The following TSNARE1 variants were observed in gnomAD, a reference collection of about 807,000 sequenced individuals.
The protein encoded by TSNARE1 is t-SNARE domain containing 1.
A neutral mutation model predicts 62.0 loss-of-function variants in TSNARE1; 49 were observed. That is an observed-to-expected ratio of 0.79 (90% CI 0.63 to 1.00). TSNARE1 has a LOEUF of 1.00. Ranked by LOEUF, TSNARE1 falls within the 50% of genes least tolerant of loss-of-function variation. The pLI is 0.00. For missense variants in TSNARE1, 755 were observed against 700.1 expected (o/e 1.08, Z -0.88); for synonymous variants, 328 against 294.4 (o/e 1.11, Z -1.17).
At chr8:142,317,707 C>T (rs1586765357) in intron 7 of TSNARE1, among the ~76,000 whole-genome samples, 3 of 152,152 alleles carry the variant, frequency 2.0e-5, no homozygotes, top group African/African-American at 7.2e-5. Flanking sequence ...CCTGTAATCC[C>T]AGCACTTTGG....
chr8:142,389,701 T>C (rs1837349671), intron 1 of TSNARE1, among the ~76,000 whole-genome samples: 4 of 152,178 alleles, frequency 2.6e-5, no homozygotes, highest in Admixed American at 2.6e-4. Flanking sequence ...TATTAACACT[T>C]CGTCAAGGGA....
chr8:142,331,025 C>A, intron 5 of TSNARE1, 55 bp from the exon 6 acceptor site: 1 of 1,538,336 alleles, frequency 6.5e-7, no homozygotes, highest in Non-Finnish European at 9.0e-7. Context: ...CTGCCCCCTG[C>A]TACTCCATAT....
intron 12 of TSNARE1, among the ~76,000 whole-genome samples, chr8:142,235,661 T>C (rs1269761133): frequency 1.3e-5 from 2 of 152,044 alleles, no homozygotes; most frequent in Non-Finnish European, 2.9e-5. Flanking sequence ...ATTATTGAAA[T>C]GGGCGCATTC....
chr8:142,280,965 G>T (rs561331806), intron 11 of TSNARE1, among the ~76,000 whole-genome samples: 1 of 152,172 alleles, frequency 6.6e-6, no homozygotes, highest in African/African-American at 2.4e-5. Flanking sequence ...GCCCAGCCCC[G>T]CCCCAGGGAG....
chr8:142,343,074 C>T (rs542089848), intron 4 of TSNARE1, among the ~76,000 whole-genome samples: 9 of 152,188 alleles, frequency 5.9e-5, no homozygotes, highest in Non-Finnish European at 1.2e-4. Flanking sequence ...TCCTGCAGAC[C>T]TCCCTGACCC....
At chr8:142,223,880 A>G (rs1816653958) in intron 13 of TSNARE1, among the ~76,000 whole-genome samples, 1 of 149,510 alleles carries the variant, frequency 6.7e-6, no homozygotes, top group African/African-American at 2.5e-5. Context: ...ACAAGGTCCC[A>G]CCAGCTCATT....
intron 1 of TSNARE1, among the ~76,000 whole-genome samples, chr8:142,386,218 T>A (rs372870432): frequency 1.3e-5 from 2 of 152,322 alleles, no homozygotes; most frequent in African/African-American, 4.8e-5. Context: ...CATGACATGA[T>A]CACAGGTGTT....
chr8:142,269,267 A>G (rs1250897374), intron 12 of TSNARE1, among the ~76,000 whole-genome samples: 1 of 152,190 alleles, frequency 6.6e-6, no homozygotes, highest in Non-Finnish European at 1.5e-5. Flanking sequence ...AGTGACCAGG[A>G]TCAATGCTCC....
intron 4 of TSNARE1, among the ~76,000 whole-genome samples, chr8:142,332,713 T>C (rs771063652): frequency 7.0e-4 from 107 of 152,180 alleles, no homozygotes; most frequent in Non-Finnish European, 1.1e-3. Flanking sequence ...ACTCGCCCTC[T>C]GTCCACCCCT....
chr8:142,255,365 T>A, intron 12 of TSNARE1, among the ~76,000 whole-genome samples: 1 of 131,786 alleles, frequency 7.6e-6, no homozygotes, highest in African/African-American at 2.9e-5. Flanking sequence ...ACCATCACCA[T>A]CACCATCATC....
intron 1 of TSNARE1, among the ~76,000 whole-genome samples, chr8:142,367,752 T>C (rs928427476): frequency 4.6e-5 from 7 of 152,076 alleles, no homozygotes; most frequent in Admixed American, 2.6e-4. Flanking sequence ...AAAATATAAA[T>C]AGACCAATGG....
rs376001114 is a variant in TSNARE1 at position 142,273,841 on chromosome 8, C to T, written c.1446+940G>A. 2.5e-5 allele frequency: 25 copies of T among 985,420 alleles called. No individual in the cohort carries two copies. In the East Asian group the frequency reaches 1.8e-3, roughly 72 times the overall value. The allele number at this position is 985,420 out of a possible 1,614,324, so 61.0% of individuals were successfully genotyped here. A position where few individuals can be genotyped will look rare whatever the true frequency, so the allele number is the denominator to read the frequency against. ...TGCACCCCTGAGGCAACTGAGGACCCTCTGCGGGCACAGCTGTGATATCCC... is the reference window on the plus strand; with the variant it reads ...TGCACCCCTGAGGCAACTGAGGACCTTCTGCGGGCACAGCTGTGATATCCC... On this transcript the variant is annotated intron_variant, in intron 12 of 13. Coordinates refer to ENST00000524325, the MANE Select transcript of TSNARE1 (RefSeq NM_145003.5).
At chr8:142,310,423 G>A (rs554114662) in intron 9 of TSNARE1, among the ~76,000 whole-genome samples, 3 of 151,384 alleles carry the variant, frequency 2.0e-5, no homozygotes, top group African/African-American at 7.4e-5. Flanking sequence ...ACGTTAACCT[G>A]GGCGCAGCCA....
chr8:142,364,951 G>A (rs1835426238), intron 1 of TSNARE1, among the ~76,000 whole-genome samples: 1 of 152,226 alleles, frequency 6.6e-6, no homozygotes. Context: ...ATTCTGGTAA[G>A]AATGTCCAAC....
At position 142,318,748 on chromosome 8, in the gene TSNARE1, CAGAT is replaced by C. The variant is rs899314339; in HGVS notation, c.894-118_894-115del. On this transcript the variant is annotated intron_variant, in intron 6 of 13. Coordinates refer to ENST00000524325, the MANE Select transcript of TSNARE1 (RefSeq NM_145003.5). ...ACGGGCCGAGTGGGGGAGACAGAGA[CAGAT>C]GGATGGACAGGCGGAGAGAGGGCCG... 37 of 897,782 alleles carry C rather than the reference CAGAT, an allele frequency of 4.1e-5. 1 individual carries two copies. Among genetic ancestry groups the C allele is most frequent in the East Asian group, 1.0e-4 (4 of 39,688 alleles). The allele number at this position is 897,782 out of a possible 1,614,324, so 55.6% of individuals were successfully genotyped here.
chr8:142,299,305 G>A (rs950401360), intron 10 of TSNARE1, among the ~76,000 whole-genome samples: 1 of 152,224 alleles, frequency 6.6e-6, no homozygotes, highest in African/African-American at 2.4e-5. Flanking sequence ...CCCTGGGAGA[G>A]CAGAACCAGC....
chr8:142,354,021 C>G (rs79790304), intron 2 of TSNARE1, among the ~76,000 whole-genome samples: 2 of 152,130 alleles, frequency 1.3e-5, no homozygotes, highest in African/African-American at 2.4e-5. Flanking sequence ...GGCCTGCCCA[C>G]GTGAAGGGCC....
chr8:142,390,195 G>A (rs1215027428), intron 1 of TSNARE1, among the ~76,000 whole-genome samples: 2 of 152,270 alleles, frequency 1.3e-5, no homozygotes, highest in African/African-American at 4.8e-5. Context: ...TGAGTGGCAA[G>A]TGAATGTGAA....
chr8:142,231,813 T>C (rs536718559), intron 12 of TSNARE1, among the ~76,000 whole-genome samples: 3 of 152,290 alleles, frequency 2.0e-5, no homozygotes, highest in South Asian at 4.1e-4. Context: ...AAAGCCAGGA[T>C]TGGAGCTGGG....
Sources: allele counts gnomAD v4.1 joint callset (sites outside exome capture counted in the v4.1 genomes callset), GRCh38; gene constraint gnomAD v4.1.1; transcripts MANE v1.5; gene names NCBI Gene and HGNC (gene_info 2026-07-23, HGNC 2026-07-21).